Variants in PDCD11 observed in about 807,000 individuals in gnomAD.
PDCD11 encodes programmed cell death 11, also known as protein RRP5 homolog.
PDCD11 carries 97 observed loss-of-function variants against 198.9 expected under a neutral mutation model. The observed-to-expected ratio is 0.49, with a 90% CI of 0.41 to 0.58. PDCD11 has a LOEUF of 0.58. Ranked by LOEUF, PDCD11 falls within the 20% of genes least tolerant of loss-of-function variation. The probability of loss-of-function intolerance (pLI) is 0.00; values close to 1 mark genes in which losing one functional copy is unlikely to be tolerated. For synonymous variants in PDCD11, 893 were observed against 918.0 expected, an observed-to-expected ratio of 0.97 and a Z score of 0.49; for missense variants, 2,102 against 2,312.7, an observed-to-expected ratio of 0.91 and a Z score of 1.87.
chr10:103,422,919 T>C, intron 17 of PDCD11, 69 bp from the exon 18 acceptor site: 1 of 1,346,586 alleles, frequency 7.4e-7, no homozygotes, highest in East Asian at 2.7e-5. Flanking sequence ...GATAGCACAC[T>C]GCCAGAGGAA....
At chr10:103,421,286 C>G in intron 16 of PDCD11, 62 bp from the exon 17 acceptor site, 1 of 1,340,556 alleles carries the variant, frequency 7.5e-7, no homozygotes, top group Non-Finnish European at 1.0e-6. Context: ...CCAGGAACAT[C>G]AAGTGGGTTG....
intron 30 of PDCD11, among the ~76,000 whole-genome samples, 182 bp from the exon 31 acceptor site, chr10:103,441,644 T>C (rs2032387600): frequency 6.6e-6 from 1 of 152,192 alleles, no homozygotes; most frequent in East Asian, 1.9e-4. Flanking sequence ...AAGAAAACTT[T>C]TATGTCACTG....
intron 7 of PDCD11, among the ~76,000 whole-genome samples, chr10:103,407,152 T>G (rs2030506049): frequency 6.6e-6 from 1 of 152,204 alleles, no homozygotes; most frequent in Admixed American, 6.5e-5. Context: ...CATCTTTAAC[T>G]CTTTTAGCTT....
chr10:103,435,672 C>T (rs1274464827), intron 25 of PDCD11, among the ~76,000 whole-genome samples: 1 of 152,180 alleles, frequency 6.6e-6, no homozygotes, highest in African/African-American at 2.4e-5. Flanking sequence ...GCCATGACGC[C>T]TGGCTAATTT....
intron 11 of PDCD11, 42 bp downstream of exon 11, chr10:103,414,372 G>A: frequency 1.4e-6 from 2 of 1,470,656 alleles, no homozygotes; most frequent in Non-Finnish European, 1.9e-6. Context: ...CTCACCATCA[G>A]GCGTTCTTTA....
intron 13 of PDCD11, among the ~76,000 whole-genome samples, chr10:103,417,073 G>T (rs1483468005): frequency 1.3e-5 from 2 of 152,158 alleles, no homozygotes; most frequent in South Asian, 2.1e-4. Flanking sequence ...GTAAGTCTTG[G>T]TATCACTAGG....
chr10:103,429,657 T>C (rs907913129), intron 21 of PDCD11, among the ~76,000 whole-genome samples: 1 of 152,156 alleles, frequency 6.6e-6, no homozygotes. Flanking sequence ...CTATAACACA[T>C]ACATTTACCC....
At chr10:103,410,164 G>A (rs2030708517) in intron 8 of PDCD11, among the ~76,000 whole-genome samples, 1 of 152,066 alleles carries the variant, frequency 6.6e-6, no homozygotes, top group Non-Finnish European at 1.5e-5. Context: ...GAACCCGGGA[G>A]GCCGAGGTTG....
At chr10:103,436,358 T>C (rs2032155363) in intron 25 of PDCD11, among the ~76,000 whole-genome samples, 1 of 152,202 alleles carries the variant, frequency 6.6e-6, no homozygotes, top group Non-Finnish European at 1.5e-5. Context: ...TGCCTTGGCC[T>C]CTCAAAGTGA....
At chr10:103,412,284 C>A (rs2030846855) in intron 8 of PDCD11, among the ~76,000 whole-genome samples, 1 of 151,744 alleles carries the variant, frequency 6.6e-6, no homozygotes, top group African/African-American at 2.4e-5. Context: ...CCTCAGCCTC[C>A]TGAGTAGCTG....
rs769770426 is a variant in PDCD11, at chr10:103,414,028, T to A, written c.1248T>A (p.Thr416=). 6.2e-7 allele frequency: 1 copy of A among 1,613,556 alleles called. No homozygotes were observed. The highest frequency in any genetic ancestry group is 8.5e-7 in the Non-Finnish European group (1 of 1,179,846). Residue 416 remains threonine (T), a synonymous_variant, in exon 10 of 36, where the codon ACT becomes ACA. Coordinates refer to ENST00000369797, the MANE Select transcript of PDCD11 (RefSeq NM_014976.2). The stretch of plus-strand genomic sequence containing the variant: ...CTGAGGCCTTCAAGCCAGGGAACAC[T>A]CACAAGTGTAGAATTATTGACTACA... ...FNPEAFKPGN[T]HKCRIIDYSQ...
At chr10:103,423,246 G>A (rs2031542135) in intron 18 of PDCD11, 109 bp downstream of exon 18, 14 of 1,202,434 alleles carry the variant, frequency 1.2e-5, no homozygotes, top group East Asian at 5.4e-5. Context: ...AGTTGATTCG[G>A]TAGAGATTTT....
rs200777243 is a variant in PDCD11 at position 103,421,414 on chromosome 10, A to G, written c.2344A>G (p.Lys782Glu). 2 of 1,608,800 alleles carry G rather than the reference A, an allele frequency of 1.2e-6. No homozygotes were observed. The highest frequency in any genetic ancestry group is 1.3e-5 in the African/African-American group (1 of 74,990). ...HFVEGQTVAA[K>E]VTNVDEEKQR... ...TGTTGAGGGCCAGACAGTAGCGGCA[A>G]AGGTGACCAATGTGGATGAGGAGAA... Residue 782 changes from lysine to glutamate, a missense_variant, in exon 17 of 36, where the codon AAG becomes GAG. Physicochemically the swap from Lys to Glu is moderately conservative, Grantham distance 56. Coordinates refer to ENST00000369797, the MANE Select transcript of PDCD11 (RefSeq NM_014976.2).
At chr10:103,432,680 G>T (rs1415642707) in intron 22 of PDCD11, among the ~76,000 whole-genome samples, 1 of 152,232 alleles carries the variant, frequency 6.6e-6, no homozygotes, top group Non-Finnish European at 1.5e-5. Flanking sequence ...AGGAGAGGCG[G>T]CTGGATTGGG....
At chr10:103,439,915 CCT>C in intron 28 of PDCD11, 47 bp downstream of exon 28, 1 of 1,611,144 alleles carries the variant, frequency 6.2e-7, no homozygotes, top group Non-Finnish European at 8.5e-7. Flanking sequence ...GAATCAAACC[CCT>C]TTCTCCAGGA....
chr10:103,398,421 C>T lies in PDCD11; in HGVS notation c.-6C>T. 1 of 1,604,954 alleles carries T rather than the reference C, an allele frequency of 6.2e-7. No homozygotes were observed. Among genetic ancestry groups the T allele is most frequent in the Non-Finnish European group, 8.5e-7 (1 of 1,171,718 alleles). ...ATCCTTTGCATTGTTTTTAGGAGAC[C>T]CAAACATGGCAAACCTGGAAGAAAG... On this transcript the variant is annotated 5_prime_UTR_variant, in exon 2 of 36. Transcript: ENST00000369797.
chr10:103,411,947 C>T (rs1041750950), intron 8 of PDCD11, among the ~76,000 whole-genome samples: 2 of 152,000 alleles, frequency 1.3e-5, no homozygotes, highest in African/African-American at 4.8e-5. Flanking sequence ...TGAGGGGACA[C>T]CTAGTATATA....
intron 20 of PDCD11, 78 bp downstream of exon 20, chr10:103,425,603 C>T: frequency 1.5e-6 from 2 of 1,306,806 alleles, no homozygotes; most frequent in Non-Finnish European, 2.1e-6. Flanking sequence ...TAGGTGGGCT[C>T]CAAAAAGTTG....
chr10:103,438,176 C>T (rs2032230637), intron 26 of PDCD11, 105 bp downstream of exon 26: 1 of 858,352 alleles, frequency 1.2e-6, no homozygotes, highest in Non-Finnish European at 2.0e-6. Flanking sequence ...ACCTTCTCTG[C>T]TCATCACTTT....
Sources: gnomAD v4.1 joint callset for allele counts (sites outside exome capture counted in the v4.1 genomes callset) on GRCh38, gnomAD v4.1.1 for gene constraint, MANE v1.5 for transcripts, NCBI Gene and HGNC (gene_info 2026-07-23, HGNC 2026-07-21) for gene names.